MEGF10: variants seen among roughly 807,000 people sequenced by gnomAD.
MEGF10 encodes multiple EGF like domains 10.
Under a neutral mutation model 147.5 loss-of-function variants are expected in MEGF10, and 86 were observed. The ratio of observed to expected loss-of-function variants is 0.58; its 90% confidence interval spans 0.49 to 0.70. MEGF10 has a LOEUF of 0.70. Among genes scored for constraint, MEGF10 ranks in the 30% least tolerant of loss-of-function variants. The pLI is 0.00. For synonymous variants in MEGF10, 478 were observed against 525.5 expected (o/e 0.91, Z 1.24); for missense variants, 1,329 against 1,487.3 (o/e 0.89, Z 1.75).
In MEGF10 at chr5:127,398,432, T is replaced by C. The variant is rs112696032; in HGVS notation, c.660-244T>C. On this transcript the variant is annotated intron_variant, in intron 6 of 24. Transcript: ENST00000503335. ...AGTTTTCTTCCTCAGTGTTCTCAGATAGGATAGCTTCTCTTCAAACCGAAA... is the reference window on the plus strand; with the variant it reads ...AGTTTTCTTCCTCAGTGTTCTCAGACAGGATAGCTTCTCTTCAAACCGAAA... Among the ~76,000 whole-genome samples, 436 of 152,246 alleles carry C rather than the reference T, an allele frequency of 2.9e-3. 1 individual carries two copies. The highest frequency in any genetic ancestry group is 9.7e-3 in the African/African-American group (403 of 41,550).
chr5:127,278,806 C>T, the MEGF10 span, among the ~76,000 whole-genome samples: 3 of 152,220 alleles, frequency 2.0e-5, no homozygotes, highest in South Asian at 6.2e-4. Flanking sequence ...CTTCAACTGA[C>T]AGTGAAGATG....
chr5:127,365,052 G>A (rs887575157), intron 4 of MEGF10, among the ~76,000 whole-genome samples: 4 of 152,130 alleles, frequency 2.6e-5, no homozygotes, highest in Admixed American at 6.5e-5. Flanking sequence ...TTCCTCTGTA[G>A]CAACTCACTG....
At chr5:127,305,049 A>G (rs1361958137) in intron 1 of MEGF10, among the ~76,000 whole-genome samples, 2 of 152,242 alleles carry the variant, frequency 1.3e-5, no homozygotes, top group Admixed American at 1.3e-4. Flanking sequence ...AATTGTGGTG[A>G]CATAAGAAAA....
intron 22 of MEGF10, 47 bp from the exon 23 acceptor site, chr5:127,454,518 TC>T (rs753847549): frequency 3.2e-6 from 5 of 1,559,432 alleles, no homozygotes; most frequent in Admixed American, 3.9e-5. Flanking sequence ...ATGGGGTTTT[TC>T]TTCCTTTCAG....
chr5:127,450,350 T>A (rs1766106479), intron 22 of MEGF10, among the ~76,000 whole-genome samples: 1 of 152,160 alleles, frequency 6.6e-6, no homozygotes, highest in Admixed American at 6.5e-5. Context: ...ACTCACCTCT[T>A]AAAATATATA....
At chr5:127,451,818 G>A (rs757452122) in intron 22 of MEGF10, among the ~76,000 whole-genome samples, 8 of 152,152 alleles carry the variant, frequency 5.3e-5, no homozygotes, top group Non-Finnish European at 1.0e-4. Context: ...TAAAGTTGTT[G>A]CACAGAAAAA....
intron 5 of MEGF10, among the ~76,000 whole-genome samples, chr5:127,390,289 G>A (rs1393425316): frequency 6.6e-6 from 1 of 151,800 alleles, no homozygotes; most frequent in Non-Finnish European, 1.5e-5. Context: ...GGATTACATG[G>A]GGCATCTTTT....
chr5:127,402,451 C>G, intron 7 of MEGF10, 95 bp from the exon 8 acceptor site: 2 of 1,363,818 alleles, frequency 1.5e-6, no homozygotes, highest in Non-Finnish European at 2.0e-6. Flanking sequence ...TGTTCCCCAT[C>G]CCTCCTTTCT....
chr5:127,457,433 T>G lies in MEGF10; in HGVS notation c.*115T>G, dbSNP rs1431767842. 12 of 1,173,766 alleles carry G rather than the reference T, an allele frequency of 1.0e-5. No homozygotes were observed. Among genetic ancestry groups the G allele is most frequent in the Non-Finnish European group, 5.8e-6 (5 of 856,882 alleles). The allele number at this position is 1,173,766 out of a possible 1,614,324, so 72.7% of individuals were successfully genotyped here. On this transcript the variant is annotated 3_prime_UTR_variant, in exon 25 of 25. Transcript: ENST00000503335. ...ATGTTAGTCAATTCGGTGGGCAATT[T>G]TTGGACATGAACCAGAAAGCTGAAA...
intron 4 of MEGF10, among the ~76,000 whole-genome samples, chr5:127,344,730 A>G (rs1303149340): frequency 6.6e-6 from 1 of 152,240 alleles, no homozygotes; most frequent in Non-Finnish European, 1.5e-5. Flanking sequence ...TAAAATTAGT[A>G]AAAATCTCTT....
intron 11 of MEGF10, 83 bp downstream of exon 11, chr5:127,419,323 G>T (rs1764895976): frequency 2.0e-6 from 3 of 1,497,842 alleles, no homozygotes; most frequent in Admixed American, 2.2e-5. Flanking sequence ...CTTAACCAGG[G>T]TTCTAGCTCC....
chr5:127,306,406 A>G (rs1241100601), intron 1 of MEGF10, among the ~76,000 whole-genome samples: 1 of 152,236 alleles, frequency 6.6e-6, no homozygotes, highest in Non-Finnish European at 1.5e-5. Context: ...AGTTCTAAGG[A>G]ACAGTTCTTT....
At chr5:127,272,042 A>G in the MEGF10 span, among the ~76,000 whole-genome samples, 1 of 152,046 alleles carries the variant, frequency 6.6e-6, no homozygotes. Flanking sequence ...ATTTTCTTCT[A>G]GAGTTTTTAT....
At chr5:127,423,868 T>C (rs530602963) in intron 13 of MEGF10, among the ~76,000 whole-genome samples, 26 of 152,314 alleles carry the variant, frequency 1.7e-4, no homozygotes, top group South Asian at 8.3e-4. Context: ...AGCAGAAAAG[T>C]TTTTATTTTG....
In MEGF10 at chr5:127,449,255, C is replaced by T. The variant is rs776694817; in HGVS notation, c.2980+33C>T. 3.7e-6 allele frequency: 6 copies of T among 1,609,846 alleles called. No homozygotes were observed. In the Admixed American group the frequency reaches 5.0e-5, roughly 14 times the overall value. The stretch of plus-strand genomic sequence containing the variant: ...CTCCCAACGCACGTCCCCAGAAGCA[C>T]CTTGACCTGTCAGTCCCTGAAACAG... On this transcript the variant is annotated intron_variant, in intron 22 of 24. Coordinates refer to ENST00000503335, the MANE Select transcript of MEGF10 (RefSeq NM_001256545.2).
chr5:127,438,848 G>T (rs561634077), intron 17 of MEGF10, among the ~76,000 whole-genome samples: 1 of 152,284 alleles, frequency 6.6e-6, no homozygotes, highest in East Asian at 1.9e-4. Flanking sequence ...ATATTTATAT[G>T]GATCAAATTC....
chr5:127,443,241 A>C, intron 19 of MEGF10, 115 bp downstream of exon 19: 1 of 1,124,298 alleles, frequency 8.9e-7, no homozygotes, highest in Non-Finnish European at 1.2e-6. Context: ...ACAACTCTAA[A>C]TGGCATAATT....
chr5:127,264,773 T>A, the MEGF10 span, among the ~76,000 whole-genome samples: 1 of 152,150 alleles, frequency 6.6e-6, no homozygotes, highest in East Asian at 1.9e-4. Context: ...GGGTAGCTGC[T>A]TCAGAAAATG....
chr5:127,377,654 A>G (rs551961582), intron 5 of MEGF10, among the ~76,000 whole-genome samples: 1 of 152,302 alleles, frequency 6.6e-6, no homozygotes, highest in Non-Finnish European at 1.5e-5. Flanking sequence ...GGATATTCGA[A>G]TGGGGGGAAT....
Sources: gnomAD v4.1 joint callset for allele counts (sites outside exome capture counted in the v4.1 genomes callset) on GRCh38, gnomAD v4.1.1 for gene constraint, MANE v1.5 for transcripts, NCBI Gene and HGNC (gene_info 2026-07-23, HGNC 2026-07-21) for gene names.